Variants in FAF1 observed in about 807,000 individuals in gnomAD.
FAF1 encodes the protein Fas associated factor 1.
Under a neutral mutation model 92.5 loss-of-function variants are expected in FAF1, and 25 were observed. The observed-to-expected ratio is 0.27, with a 90% confidence interval of 0.20 to 0.38. The LOEUF is 0.38. Among genes scored for constraint, FAF1 ranks in the 10% least tolerant of loss-of-function variants. FAF1 has a pLI of 1.00. For synonymous variants in FAF1, 234 were observed against 273.2 expected (o/e 0.86, Z 1.42); for missense variants, 636 against 793.3 (o/e 0.80, Z 2.38).
intron 4 of FAF1, among the ~76,000 whole-genome samples, chr1:50,749,556 TAGA>T (rs770373916): frequency 6.6e-6 from 1 of 152,134 alleles, no homozygotes; most frequent in Non-Finnish European, 1.5e-5. Context: ...GAAGCCAAGG[TAGA>T]AGGACAGCTT....
intron 4 of FAF1, 151 bp from the exon 5 acceptor site, chr1:50,744,926 A>T (rs1394494260): frequency 3.4e-5 from 16 of 474,796 alleles, no homozygotes; most frequent in Non-Finnish European, 4.7e-5. Flanking sequence ...ATGGGAAATA[A>T]TATTATTTAT....
At chr1:50,762,054 C>CA (rs1447872171) in intron 4 of FAF1, among the ~76,000 whole-genome samples, 1 of 152,108 alleles carries the variant, frequency 6.6e-6, no homozygotes, top group Non-Finnish European at 1.5e-5. Context: ...AACAGACAAA[C>CA]AGAGAGCCAA....
chr1:50,587,783 T>C (rs1306677298), intron 9 of FAF1, among the ~76,000 whole-genome samples: 2 of 152,178 alleles, frequency 1.3e-5, no homozygotes, highest in Admixed American at 6.5e-5. Flanking sequence ...CACAGAGTGA[T>C]TAGTGCTATG....
rs765175512 is a variant in FAF1, at chr1:50,744,781, T to C, written c.368-6A>G. The C allele has an allele frequency of 6.5e-7, 1 of 1,530,622 alleles. No homozygotes were observed. The highest frequency in any genetic ancestry group is 2.3e-5 in the East Asian group (1 of 44,372). 94.8% of individuals were successfully genotyped at this position (1,530,622 alleles called of 1,614,324 possible). A position where few individuals can be genotyped will look rare whatever the true frequency, so the allele number is the denominator to read the frequency against. ...TAGAATCTGTTTAATCTCTCCTGTA[T>C]AAATAAGAAGAGATCAAATATTACT... On this transcript the variant is annotated splice_region_variant and splice_polypyrimidine_tract_variant and intron_variant, in intron 4 of 18. Coordinates refer to ENST00000396153, the MANE Select transcript of FAF1 (RefSeq NM_007051.3).
intron 1 of FAF1, among the ~76,000 whole-genome samples, chr1:50,867,435 A>G (rs1372889994): frequency 6.6e-6 from 1 of 152,194 alleles, no homozygotes; most frequent in Admixed American, 6.5e-5. Context: ...TAAATTATGC[A>G]TCCAACAAAG....
intron 12 of FAF1, among the ~76,000 whole-genome samples, chr1:50,568,978 T>C (rs1260251389): frequency 6.6e-6 from 1 of 152,162 alleles, no homozygotes; most frequent in Non-Finnish European, 1.5e-5. Flanking sequence ...CAAGCATTTG[T>C]TGAAATGCTC....
intron 15 of FAF1, among the ~76,000 whole-genome samples, chr1:50,525,315 C>A (rs533133601): frequency 6.6e-6 from 1 of 152,262 alleles, no homozygotes; most frequent in East Asian, 1.9e-4. Flanking sequence ...TTCTTCTTAC[C>A]TTTGAGCATG....
chr1:50,565,889 G>T (rs1321978198), intron 13 of FAF1, among the ~76,000 whole-genome samples: 1 of 152,040 alleles, frequency 6.6e-6, no homozygotes, highest in African/African-American at 2.4e-5. Flanking sequence ...ATTTAGCCAA[G>T]TCTCCAGTCT....
chr1:50,813,392 T>A (rs1643935301), intron 2 of FAF1, among the ~76,000 whole-genome samples: 1 of 152,220 alleles, frequency 6.6e-6, no homozygotes, highest in Non-Finnish European at 1.5e-5. Flanking sequence ...CTTCCAGTCT[T>A]TTTTCCTCCT....
chr1:50,641,131 C>T (rs1192813342), intron 8 of FAF1, among the ~76,000 whole-genome samples: 1 of 152,088 alleles, frequency 6.6e-6, no homozygotes, highest in African/African-American at 2.4e-5. Context: ...CACACCTGGC[C>T]TAATTGATCT....
intron 7 of FAF1, among the ~76,000 whole-genome samples, chr1:50,670,743 G>A (rs556388310): frequency 2.0e-5 from 3 of 152,044 alleles, no homozygotes; most frequent in East Asian, 1.9e-4. Flanking sequence ...ACCAGCCTGG[G>A]CAACATGGCA....
chr1:50,577,220 G>A (rs1249674895), intron 12 of FAF1, among the ~76,000 whole-genome samples: 1 of 152,100 alleles, frequency 6.6e-6, no homozygotes, highest in African/African-American at 2.4e-5. Context: ...TCAGAGGTAC[G>A]TCCTCTAGAA....
At chr1:50,528,833 C>A (rs1323296176) in intron 15 of FAF1, among the ~76,000 whole-genome samples, 1 of 152,184 alleles carries the variant, frequency 6.6e-6, no homozygotes, top group Non-Finnish European at 1.5e-5. Context: ...CTCTCCTCAG[C>A]CTGCTCTACG....
chr1:50,793,973 A>G (rs6671962), intron 3 of FAF1, among the ~76,000 whole-genome samples: 73,102 of 152,108 alleles, frequency 0.48, 19,401 homozygotes, highest in African/African-American at 0.7. Flanking sequence ...TCAGATTTTT[A>G]GATTAGGAAT....
At position 50,769,870 on chromosome 1, in the gene FAF1, G is replaced by A. The variant is rs188071745; in HGVS notation, c.367+18130C>T. Among the ~76,000 whole-genome samples the A allele has an allele frequency of 3.5e-3, 526 of 152,162 alleles. 5 individuals carry two copies. The highest frequency in any genetic ancestry group is 5.8e-3 in the Non-Finnish European group (394 of 67,992). ...GTTTGAGACCAGCCTGGCCAATATG[G>A]TGAAACCCCATCTCTACAAAAAATA... On this transcript the variant is annotated intron_variant, in intron 4 of 18. Coordinates refer to ENST00000396153, the MANE Select transcript of FAF1 (RefSeq NM_007051.3).
rs140946020 is a variant in FAF1 at position 50,605,356 on chromosome 1, G to A, written c.745-9140C>T. Among the ~76,000 whole-genome samples, 623 of 152,232 alleles carry A rather than the reference G, an allele frequency of 4.1e-3. 5 individuals carry two copies. Among genetic ancestry groups the A allele is most frequent in the Non-Finnish European group, 6.7e-3 (458 of 68,014 alleles). On this transcript the variant is annotated intron_variant, in intron 8 of 18. Coordinates refer to ENST00000396153, the MANE Select transcript of FAF1 (RefSeq NM_007051.3). Reference sequence around the variant, plus strand: ...TACGTCATTAAAATACTTCTGAAGAGCATTAAGTTACACAATAAGAAATAC... The same window carrying A: ...TACGTCATTAAAATACTTCTGAAGAACATTAAGTTACACAATAAGAAATAC...
At position 50,955,478 on chromosome 1, in the gene FAF1, T is replaced by C. The variant is rs898175231; in HGVS notation, c.45+4289A>G. ...CAAATATTCCAAATTCTAAATTCAT[T>C]TGCTCAGAGCTGATTTTTAAAATAA... On this transcript the variant is annotated intron_variant, in intron 1 of 18. Coordinates refer to ENST00000396153, the MANE Select transcript of FAF1 (RefSeq NM_007051.3). Among the ~76,000 whole-genome samples, 33 of 152,236 alleles carry C rather than the reference T, an allele frequency of 2.2e-4. 1 individual carries two copies. Among genetic ancestry groups the C allele is most frequent in the Non-Finnish European group, 1.0e-4 (7 of 68,034 alleles).
intron 13 of FAF1, among the ~76,000 whole-genome samples, chr1:50,559,828 C>T (rs1271033717): frequency 1.3e-5 from 2 of 152,142 alleles, no homozygotes; most frequent in Non-Finnish European, 2.9e-5. Context: ...CATTTTAAAG[C>T]ATTAATTAAG....
rs561821260 is a variant in FAF1, at chr1:50,534,046, T to C, written c.1494+1323A>G. Among the ~76,000 whole-genome samples, 19 of 152,268 alleles carry C rather than the reference T, an allele frequency of 1.2e-4. No homozygotes were observed. The East Asian group carries it at 2.9e-3, about 23-fold the overall frequency. ...AGGATCCATGTTCTCTACACAGCTT[T>C]TTGCCCATGGAGGCTCTCCTACCTT... is the stretch of plus-strand genomic sequence containing the variant. On this transcript the variant is annotated intron_variant, in intron 15 of 18. Transcript: ENST00000396153.
Sources: allele counts gnomAD v4.1 joint callset (sites outside exome capture counted in the v4.1 genomes callset), GRCh38; gene constraint gnomAD v4.1.1; transcripts MANE v1.5; gene names NCBI Gene and HGNC (gene_info 2026-07-23, HGNC 2026-07-21).